PCMT1: variants seen among roughly 807,000 people sequenced by gnomAD.
PCMT1 encodes the protein protein-L-isoaspartate(D-aspartate) O-methyltransferase.
PCMT1 carries 9 observed loss-of-function variants against 29.2 expected under a neutral mutation model. The observed-to-expected ratio is 0.31, with a 90% CI of 0.19 to 0.54. The LOEUF (loss-of-function observed/expected upper bound fraction) is 0.54, where lower values mean the gene tolerates loss of function less well. PCMT1 is among the 20% of genes least tolerant of loss of function. PCMT1 has a pLI of 0.95. For synonymous variants in PCMT1, 98 were observed against 97.5 expected, an observed-to-expected ratio of 1.00 and a Z score of -0.03; for missense variants, 184 against 282.2, an observed-to-expected ratio of 0.65 and a Z score of 2.49.
chr6:149,795,424 A>T, intron 5 of PCMT1: 1 of 403,472 alleles, frequency 2.5e-6, no homozygotes, highest in Non-Finnish European at 4.7e-6. Context: ...CAAAAGAAGG[A>T]GCTCTGAATA....
At chr6:149,757,308 C>T (rs1319219967) in intron 1 of PCMT1, among the ~76,000 whole-genome samples, 1 of 152,052 alleles carries the variant, frequency 6.6e-6, no homozygotes, top group East Asian at 1.9e-4. Context: ...TTTTGGATTG[C>T]AGTAGATCTT....
At chr6:149,771,129 C>G (rs903057917) in intron 1 of PCMT1, 33 bp from the exon 2 acceptor site, 1 of 1,213,684 alleles carries the variant, frequency 8.2e-7, no homozygotes, top group African/African-American at 1.5e-5. Flanking sequence ...TCATGTCTCT[C>G]TCTTCTGAAA....
intron 6 of PCMT1, among the ~76,000 whole-genome samples, chr6:149,800,275 G>A (rs1045466233): frequency 3.3e-5 from 5 of 152,044 alleles, no homozygotes; most frequent in Admixed American, 2.6e-4. Context: ...AGACCAGCCT[G>A]GCCAACATGT....
intron 1 of PCMT1, among the ~76,000 whole-genome samples, chr6:149,763,044 ATATG>A (rs1355629817): frequency 1.7e-5 from 1 of 59,092 alleles, no homozygotes; most frequent in South Asian, 5.3e-4. Flanking sequence ...GATATCTATG[ATATG>A]TATATCTATG....
rs557573233 is a variant in PCMT1 at position 149,778,151 on chromosome 6, A to G, written c.192+4982A>G. On this transcript the variant is annotated intron_variant, in intron 3 of 7. Transcript: ENST00000464889. ...CTCGGCCTCCCAAAGTGCTGGGATT[A>G]CAAGCTTGAGCCACTGTGTCTGGCG... Among the ~76,000 whole-genome samples, 4 of 151,936 alleles carry G rather than the reference A, an allele frequency of 2.6e-5. No individual in the cohort carries two copies. In the East Asian group the frequency reaches 7.7e-4, roughly 29 times the overall value.
At chr6:149,758,072 T>TG (rs1786579987) in intron 1 of PCMT1, among the ~76,000 whole-genome samples, 1 of 151,772 alleles carries the variant, frequency 6.6e-6, no homozygotes, top group South Asian at 2.1e-4. Context: ...TTAGTAGAGA[T>TG]GGGGTTTCAC....
intron 7 of PCMT1, among the ~76,000 whole-genome samples, chr6:149,808,537 G>A (rs540960318): frequency 1.3e-5 from 2 of 152,194 alleles, no homozygotes; most frequent in African/African-American, 4.8e-5. Flanking sequence ...TTTAGACAGA[G>A]AGGATAGTTG....
rs185634219 is a variant in PCMT1 at position 149,753,745 on chromosome 6, T to C, written c.55+3789T>C. On this transcript the variant is annotated intron_variant, in intron 1 of 7. Coordinates refer to ENST00000464889, the MANE Select transcript of PCMT1 (RefSeq NM_001360452.2). ...AAATCTATCATAATAGGACTGTGGT[T>C]GTATGATTTCATAGTTGATGCATCA... is the stretch of plus-strand genomic sequence containing the variant. Among the ~76,000 whole-genome samples, 33 of 152,356 alleles carry C rather than the reference T, an allele frequency of 2.2e-4. No individual in the cohort carries two copies. In the East Asian group the frequency reaches 6.0e-3, roughly 28 times the overall value.
rs1786880773 is a variant in PCMT1 at position 149,762,956 on chromosome 6, G to GTATATCTGTGATATATATGATATA, written c.56-8199_56-8198insGTGATATATATGATATATATATCT. 9.8e-5 allele frequency among the ~76,000 whole-genome samples: 4 copies of GTATATCTGTGATATATATGATATA among 40,900 alleles called. 2 individuals carry two copies. The African/African-American group carries it at 1.0e-3, about 10-fold the overall frequency. 26.8% of individuals were successfully genotyped at this position (40,900 alleles called of 152,430 possible). A position where few individuals can be genotyped will look rare whatever the true frequency, so the allele number is the denominator to read the frequency against. On this transcript the variant is annotated intron_variant, in intron 1 of 7. Transcript: ENST00000464889. Reference sequence around the variant, plus strand: ...TATATGATATATATATCTATGATATGTATATCTATGATATATATGATATAT... The same window carrying GTATATCTGTGATATATATGATATA: ...TATATGATATATATATCTATGATATGTATATCTGTGATATATATGATATATATATCTATGATATATATGATATAT...
intron 6 of PCMT1, 55 bp from the exon 7 acceptor site, chr6:149,802,145 A>C: frequency 7.8e-7 from 1 of 1,288,544 alleles, no homozygotes; most frequent in South Asian, 1.4e-5. Flanking sequence ...AAATAAATAA[A>C]ATAAAATAAA....
chr6:149,782,836 A>T (rs1787870535), intron 3 of PCMT1, among the ~76,000 whole-genome samples: 1 of 152,154 alleles, frequency 6.6e-6, no homozygotes, highest in Non-Finnish European at 1.5e-5. Flanking sequence ...TAATGAATAA[A>T]TGTGGAAGGA....
At chr6:149,802,675 A>AT (rs1366745241) in intron 7 of PCMT1, 6 of 241,728 alleles carry the variant, frequency 2.5e-5, no homozygotes, top group South Asian at 3.2e-4. Context: ...CTTTGTAAGG[A>AT]TTTTTTCTTC....
chr6:149,804,555 A>C (rs1775951689), intron 7 of PCMT1, among the ~76,000 whole-genome samples: 2 of 152,138 alleles, frequency 1.3e-5, no homozygotes, highest in South Asian at 4.1e-4. Context: ...TCTGTTACCC[A>C]GGCTGTGTAG....
chr6:149,777,318 T>A (rs765782259), intron 3 of PCMT1, among the ~76,000 whole-genome samples: 1 of 152,138 alleles, frequency 6.6e-6, no homozygotes, highest in Non-Finnish European at 1.5e-5. Flanking sequence ...AAGTGGAAAA[T>A]AGAATGCATG....
chr6:149,751,533 G>A (rs955894129), intron 1 of PCMT1, among the ~76,000 whole-genome samples: 1 of 146,680 alleles, frequency 6.8e-6, no homozygotes, highest in Admixed American at 6.8e-5. Flanking sequence ...CCAGACTGGA[G>A]TGCAATGGCG....
chr6:149,803,221 A>C (rs947079897), intron 7 of PCMT1, among the ~76,000 whole-genome samples: 6 of 152,102 alleles, frequency 3.9e-5, no homozygotes, highest in African/African-American at 1.4e-4. Context: ...ATCTGTTTCA[A>C]CCAAATCATA....
At chr6:149,771,918 T>C in intron 2 of PCMT1, 1 of 452,284 alleles carries the variant, frequency 2.2e-6, no homozygotes, top group Non-Finnish European at 4.4e-6. Context: ...AGGTTAGGAT[T>C]AATTTTTTAA....
At chr6:149,805,274 T>C (rs1178114574) in intron 7 of PCMT1, among the ~76,000 whole-genome samples, 1 of 152,158 alleles carries the variant, frequency 6.6e-6, no homozygotes, top group Non-Finnish European at 1.5e-5. Flanking sequence ...TATGGACAAT[T>C]AGTCATCTGC....
chr6:149,757,696 G>C (rs1340408508), intron 1 of PCMT1, among the ~76,000 whole-genome samples: 2 of 152,102 alleles, frequency 1.3e-5, no homozygotes, highest in Non-Finnish European at 2.9e-5. Context: ...CTTTGAAAAA[G>C]TGTTTTCTGT....
Sources: allele counts gnomAD v4.1 joint callset (sites outside exome capture counted in the v4.1 genomes callset), GRCh38; gene constraint gnomAD v4.1.1; transcripts MANE v1.5; gene names NCBI Gene and HGNC (gene_info 2026-07-23, HGNC 2026-07-21).